RBMS1: variants seen among roughly 807,000 people sequenced by gnomAD.
RBMS1 encodes RNA binding motif single stranded interacting protein 1.
A neutral mutation model predicts 62.3 loss-of-function variants in RBMS1; 17 were observed. That is an observed-to-expected ratio of 0.27 (90% CI 0.19 to 0.41). The LOEUF is 0.41. Among genes scored for constraint, RBMS1 ranks in the 10% least tolerant of loss-of-function variants. The pLI is 1.00. For missense variants in RBMS1, 334 were observed against 504.5 expected (o/e 0.66, Z 3.24); for synonymous variants, 172 against 170.0 (o/e 1.01, Z -0.09).
At chr2:160,387,905 C>T (rs1472004716) in intron 1 of RBMS1, among the ~76,000 whole-genome samples, 1 of 152,102 alleles carries the variant, frequency 6.6e-6, no homozygotes, top group Non-Finnish European at 1.5e-5. Context: ...GAGGTTTATG[C>T]CTGGCCCTGG....
At chr2:160,357,986 G>T (rs940143894) in intron 2 of RBMS1, among the ~76,000 whole-genome samples, 1 of 152,102 alleles carries the variant, frequency 6.6e-6, no homozygotes, top group African/African-American at 2.4e-5. Context: ...GTATGTCAAA[G>T]AAGTACTGTA....
chr2:160,481,490 T>C (rs893390707), intron 1 of RBMS1, among the ~76,000 whole-genome samples: 1 of 151,034 alleles, frequency 6.6e-6, no homozygotes, highest in Non-Finnish European at 1.5e-5. Flanking sequence ...ATTAAAACTA[T>C]CAATCAGAGA....
rs5019601 is a variant in RBMS1 at position 160,306,149 on chromosome 2, G to A, written c.403-2662C>T. ...CTCTCGTGTGTGTGTGTGTGTGTGT[G>A]TGTATACACATATATATGGAGTATA... On this transcript the variant is annotated intron_variant, in intron 4 of 13. Transcript: ENST00000348849. Among the ~76,000 whole-genome samples, 371 of 109,206 alleles carry A rather than the reference G, an allele frequency of 3.4e-3. 1 individual carries two copies. The highest frequency in any genetic ancestry group is 0.011 in the African/African-American group (359 of 31,868). 71.6% of individuals were successfully genotyped at this position (109,206 alleles called of 152,430 possible).
chr2:160,275,640 C>T lies in RBMS1; in HGVS notation c.1218G>A (p.Lys406=), dbSNP rs757511980. The T allele has an allele frequency of 1.5e-5, 25 of 1,613,324 alleles. No individual in the cohort carries two copies. The African/African-American group carries it at 1.7e-4, about 11-fold the overall frequency. Residue 406 remains lysine, a synonymous_variant, in exon 13 of 14, where the codon AAG becomes AAA. Transcript: ENST00000348849. ...ACCTTTCCCTCATACCTCACAGTTA[C>T]TTATTAGGTTGAAAGGTATATGGAG... ...DHSPYTFQPN[K]
rs67789291 is a variant in RBMS1 at position 160,438,261 on chromosome 2, CTT to C, written c.75+55026_75+55027del. ...GCAATCTTCAGAGGCTCAATACTTT[CTT>C]TTTTTTTTTTTTTTTATTGATCATT... On this transcript the variant is annotated intron_variant, in intron 1 of 13. Coordinates refer to ENST00000348849, the MANE Select transcript of RBMS1 (RefSeq NM_016836.4). 9.9e-4 allele frequency among the ~76,000 whole-genome samples: 90 copies of C among 90,974 alleles called. No individual in the cohort carries two copies. In the East Asian group the frequency reaches 0.018, roughly 18 times the overall value. The allele number at this position is 90,974 out of a possible 152,430, so 59.7% of individuals were successfully genotyped here. A position where few individuals can be genotyped will look rare whatever the true frequency, so the allele number is the denominator to read the frequency against.
intron 1 of RBMS1, among the ~76,000 whole-genome samples, chr2:160,460,627 C>T (rs1684420185): frequency 6.6e-6 from 1 of 152,210 alleles, no homozygotes; most frequent in African/African-American, 2.4e-5. Context: ...ATTGGACAAC[C>T]TGTTGCTTTT....
At chr2:160,352,072 G>A (rs1692545453) in intron 2 of RBMS1, among the ~76,000 whole-genome samples, 1 of 152,144 alleles carries the variant, frequency 6.6e-6, no homozygotes, top group Admixed American at 6.6e-5. Context: ...AATGTTGGAT[G>A]CAAAGCTGAC....
intron 1 of RBMS1, among the ~76,000 whole-genome samples, chr2:160,483,609 C>A (rs1685459691): frequency 6.6e-6 from 1 of 152,184 alleles, no homozygotes; most frequent in Admixed American, 6.5e-5. Context: ...TTTTGTCAGA[C>A]CCACTTGGTC....
intron 1 of RBMS1, among the ~76,000 whole-genome samples, chr2:160,368,147 C>T (rs11693602): frequency 0.75 from 113,414 of 151,972 alleles, 43,091 homozygotes; most frequent in East Asian, 0.83. Context: ...TGTGCACCGA[C>T]TGAAAGAAAC....
At chr2:160,379,276 C>T (rs1028058387) in intron 1 of RBMS1, among the ~76,000 whole-genome samples, 1 of 151,850 alleles carries the variant, frequency 6.6e-6, no homozygotes, top group Non-Finnish European at 1.5e-5. Flanking sequence ...CACCATTATA[C>T]TCTGAAGGGC....
At chr2:160,457,370 T>C (rs1462237524) in intron 1 of RBMS1, among the ~76,000 whole-genome samples, 1 of 152,172 alleles carries the variant, frequency 6.6e-6, no homozygotes, top group African/African-American at 2.4e-5. Context: ...CCTCAGGTGA[T>C]CTGCCTGCCT....
At chr2:160,493,189 G>A in intron 1 of RBMS1, 100 bp downstream of exon 1, 2 of 1,173,276 alleles carry the variant, frequency 1.7e-6, no homozygotes, top group Non-Finnish European at 2.4e-6. Context: ...CCGCCCGGCG[G>A]TGGCGGGGGT....
intron 1 of RBMS1, among the ~76,000 whole-genome samples, chr2:160,467,302 A>T (rs1264321104): frequency 2.0e-5 from 3 of 152,180 alleles, no homozygotes; most frequent in Non-Finnish European, 2.9e-5. Flanking sequence ...GCCTAGCCAC[A>T]AAGGAGAAGA....
At chr2:160,407,205 G>C (rs1695774436) in intron 1 of RBMS1, among the ~76,000 whole-genome samples, 1 of 152,180 alleles carries the variant, frequency 6.6e-6, no homozygotes, top group Admixed American at 6.5e-5. Context: ...CCCCGGCCCG[G>C]CGCGCTTCTG....
chr2:160,281,000 G>T (rs1241025714), intron 10 of RBMS1, among the ~76,000 whole-genome samples: 1 of 151,980 alleles, frequency 6.6e-6, no homozygotes, highest in Non-Finnish European at 1.5e-5. Context: ...AAATGAGAGC[G>T]GTTTTATCCC....
chr2:160,434,803 A>G (rs1198648270), intron 1 of RBMS1, among the ~76,000 whole-genome samples: 1 of 152,230 alleles, frequency 6.6e-6, no homozygotes, highest in Non-Finnish European at 1.5e-5. Flanking sequence ...GCAGGAGTCT[A>G]GAATTATTTT....
chr2:160,302,330 G>T (rs1325214602), intron 5 of RBMS1, among the ~76,000 whole-genome samples: 1 of 151,912 alleles, frequency 6.6e-6, no homozygotes, highest in African/African-American at 2.4e-5. Flanking sequence ...CTGCAGCTGG[G>T]ACTATAGGCA....
intron 4 of RBMS1, 80 bp downstream of exon 4, chr2:160,313,076 T>G: frequency 7.4e-7 from 1 of 1,351,376 alleles, no homozygotes; most frequent in Non-Finnish European, 1.0e-6. Context: ...AGATTACAGA[T>G]GCAGATAGAA....
intron 1 of RBMS1, among the ~76,000 whole-genome samples, chr2:160,431,977 C>T (rs898257192): frequency 2.6e-5 from 4 of 152,112 alleles, no homozygotes; most frequent in Admixed American, 6.6e-5. Flanking sequence ...TATAAAAGCT[C>T]TTTGAGAAAC....
Sources: gnomAD v4.1 joint callset for allele counts (sites outside exome capture counted in the v4.1 genomes callset) on GRCh38, gnomAD v4.1.1 for gene constraint, MANE v1.5 for transcripts, NCBI Gene and HGNC (gene_info 2026-07-23, HGNC 2026-07-21) for gene names.